Variants in CREB3L2 observed in about 807,000 individuals in gnomAD.
CREB3L2 encodes cAMP responsive element binding protein 3 like 2, also known as cyclic AMP-responsive element-binding protein 3-like protein 2.
CREB3L2 carries 23 observed loss-of-function variants against 57.2 expected under a neutral mutation model. The ratio of observed to expected loss-of-function variants is 0.40; its 90% CI spans 0.29 to 0.57. CREB3L2 has a LOEUF of 0.57. CREB3L2 is among the 20% of genes least tolerant of loss of function. The probability of loss-of-function intolerance (pLI) is 0.42; values close to 1 mark genes in which losing one functional copy is unlikely to be tolerated. For missense variants in CREB3L2, 628 were observed against 634.7 expected, an observed-to-expected ratio of 0.99 and a Z score of 0.11; for synonymous variants, 268 against 265.1, an observed-to-expected ratio of 1.01 and a Z score of -0.11.
chr7:137,884,685 T>C, intron 10 of CREB3L2: 1 of 592,838 alleles, frequency 1.7e-6, no homozygotes, highest in South Asian at 2.1e-5. Context: ...ACAGACTCTT[T>C]CCCTCATCTG....
intron 1 of CREB3L2, among the ~76,000 whole-genome samples, chr7:137,971,723 C>T (rs1025576976): frequency 6.6e-6 from 1 of 151,154 alleles, no homozygotes; most frequent in African/African-American, 2.4e-5. Context: ...TATATTCTTG[C>T]TCTTTCCATT....
intron 1 of CREB3L2, among the ~76,000 whole-genome samples, chr7:137,940,312 C>T (rs1286407601): frequency 2.6e-5 from 4 of 152,158 alleles, no homozygotes; most frequent in Non-Finnish European, 4.4e-5. Flanking sequence ...AGTGAAGGCA[C>T]AAGCTAAGGT....
intron 7 of CREB3L2, 107 bp downstream of exon 7, chr7:137,903,852 A>C: frequency 3.2e-6 from 3 of 939,720 alleles, no homozygotes; most frequent in Non-Finnish European, 5.1e-6. Flanking sequence ...CCGGGTTTCC[A>C]AGGTGGCCAG....
intron 2 of CREB3L2, chr7:137,922,679 C>A (rs1204100200): frequency 9.0e-6 from 4 of 444,640 alleles, no homozygotes; most frequent in Admixed American, 7.2e-5. Flanking sequence ...TTCAAATAAA[C>A]GTGGATTGAA....
chr7:137,933,326 C>T (rs1228043785), intron 1 of CREB3L2, among the ~76,000 whole-genome samples: 5 of 152,220 alleles, frequency 3.3e-5, no homozygotes, highest in African/African-American at 1.2e-4. Flanking sequence ...GCCACTAAAG[C>T]TCTGGAATCC....
intron 1 of CREB3L2, among the ~76,000 whole-genome samples, chr7:137,954,681 A>C (rs775199109): frequency 1.3e-5 from 2 of 152,140 alleles, no homozygotes; most frequent in African/African-American, 2.4e-5. Context: ...ACAGCAGCCT[A>C]AAGAGTTTGG....
At chr7:137,928,414 T>A (rs1800530690) in intron 1 of CREB3L2, 48 bp from the exon 2 acceptor site, 2 of 1,456,730 alleles carry the variant, frequency 1.4e-6, no homozygotes, top group African/African-American at 2.8e-5. Context: ...AACCATAATG[T>A]GACAGATACC....
rs1186325049 is a variant in CREB3L2 at position 137,946,866 on chromosome 7, A to ATC, written c.103-18501_103-18500insGA. On this transcript the variant is annotated intron_variant, in intron 1 of 11. Coordinates refer to ENST00000330387, the MANE Select transcript of CREB3L2 (RefSeq NM_194071.4). Reference sequence around the variant, plus strand: ...TATCTATATAGTTATCTATATAGTTATATATATAGTTATCTATATAGTTAT... The same window carrying ATC: ...TATCTATATAGTTATCTATATAGTTATCTATATATAGTTATCTATATAGTTAT... 3.0e-3 allele frequency among the ~76,000 whole-genome samples: 86 copies of ATC among 28,880 alleles called. 8 individuals carry two copies. The highest frequency in any genetic ancestry group is 7.8e-3 in the African/African-American group (58 of 7,478). The allele number at this position is 28,880 out of a possible 152,430, so 18.9% of individuals were successfully genotyped here. A position where few individuals can be genotyped will look rare whatever the true frequency, so the allele number is the denominator to read the frequency against.
chr7:137,982,623 T>C (rs10238610), intron 1 of CREB3L2, among the ~76,000 whole-genome samples: 3 of 152,214 alleles, frequency 2.0e-5, no homozygotes, highest in East Asian at 1.9e-4. Context: ...CCATGTAAGA[T>C]GTGCCTTTCA....
intron 8 of CREB3L2, among the ~76,000 whole-genome samples, chr7:137,894,387 A>G (rs551522256): frequency 1.8e-4 from 27 of 152,290 alleles, no homozygotes; most frequent in African/African-American, 6.5e-4. Context: ...CAGGAATCTC[A>G]TATCTTCTAT....
chr7:137,946,151 A>G (rs1182431059), intron 1 of CREB3L2, among the ~76,000 whole-genome samples: 1 of 152,134 alleles, frequency 6.6e-6, no homozygotes, highest in Non-Finnish European at 1.5e-5. Flanking sequence ...CTGCTGTAAC[A>G]TGCTCGGTAT....
chr7:137,906,292 T>C (rs368219346), intron 5 of CREB3L2, among the ~76,000 whole-genome samples: 1 of 152,176 alleles, frequency 6.6e-6, no homozygotes, highest in Admixed American at 6.5e-5. Context: ...CAGGAGTCAA[T>C]TCTCTCCTCC....
chr7:137,877,783 G>C lies in CREB3L2; in HGVS notation c.*2693C>G, dbSNP rs1038137282. 1.7e-5 allele frequency: 4 copies of C among 228,758 alleles called. No homozygotes were observed. The highest frequency in any genetic ancestry group is 8.9e-5 in the African/African-American group (4 of 45,096). The allele number at this position is 228,758 out of a possible 1,614,324, so 14.2% of individuals were successfully genotyped here. On this transcript the variant is annotated 3_prime_UTR_variant, in exon 12 of 12. Coordinates refer to ENST00000330387, the MANE Select transcript of CREB3L2 (RefSeq NM_194071.4). ...TCATAAGTTAATGACTAGTCTAAGA[G>C]GCCACTTGGTGGGGAAAACAAATCC...
At chr7:137,897,814 C>A (rs1799658595) in intron 8 of CREB3L2, among the ~76,000 whole-genome samples, 1 of 152,152 alleles carries the variant, frequency 6.6e-6, no homozygotes, top group South Asian at 2.1e-4. Context: ...AAAGATACCT[C>A]TGAGTGAAAG....
chr7:137,943,619 C>A (rs1016330849), intron 1 of CREB3L2, among the ~76,000 whole-genome samples: 5 of 152,118 alleles, frequency 3.3e-5, no homozygotes, highest in African/African-American at 7.2e-5. Context: ...TGGCACTAGA[C>A]CATTTCTAGG....
chr7:137,933,459 A>G (rs1800704622), intron 1 of CREB3L2, among the ~76,000 whole-genome samples: 2 of 152,218 alleles, frequency 1.3e-5, no homozygotes, highest in Non-Finnish European at 2.9e-5. Context: ...GAATGTTTTC[A>G]TGAACATCCC....
chr7:137,934,828 C>T (rs1341616142), intron 1 of CREB3L2, among the ~76,000 whole-genome samples: 2 of 152,170 alleles, frequency 1.3e-5, no homozygotes, highest in Non-Finnish European at 2.9e-5. Context: ...TGGAAGAAAC[C>T]TCCTAATAGG....
chr7:137,951,059 G>A (rs1801083713), intron 1 of CREB3L2, among the ~76,000 whole-genome samples: 1 of 152,206 alleles, frequency 6.6e-6, no homozygotes, highest in Non-Finnish European at 1.5e-5. Context: ...TCACTGACAT[G>A]CACGTGCCCA....
At chr7:137,905,604 G>C (rs1324197555) in intron 6 of CREB3L2, 98 bp downstream of exon 6, 7 of 1,321,768 alleles carry the variant, frequency 5.3e-6, no homozygotes, top group East Asian at 2.3e-5. Context: ...CTCCACCATG[G>C]GATGGGGTAG....
Sources: gnomAD v4.1 joint callset for allele counts (sites outside exome capture counted in the v4.1 genomes callset) on GRCh38, gnomAD v4.1.1 for gene constraint, MANE v1.5 for transcripts, NCBI Gene and HGNC (gene_info 2026-07-23, HGNC 2026-07-21) for gene names.